EGLN3: variants seen among roughly 807,000 people sequenced by gnomAD.
EGLN3 encodes the protein egl-9 family hypoxia inducible factor 3.
Under a neutral mutation model 26.0 loss-of-function variants are expected in EGLN3, and 15 were observed. The observed-to-expected ratio is 0.58, with a 90% confidence interval of 0.39 to 0.89. EGLN3 has a LOEUF of 0.89. EGLN3 is among the 40% of genes least tolerant of loss of function. The pLI is 0.00. For synonymous variants in EGLN3, 147 were observed against 127.2 expected (o/e 1.16, Z -1.05); for missense variants, 238 against 311.6 (o/e 0.76, Z 1.78).
At chr14:33,938,027 G>A (rs533910190) in intron 1 of EGLN3, among the ~76,000 whole-genome samples, 1 of 152,284 alleles carries the variant, frequency 6.6e-6, no homozygotes, top group South Asian at 2.1e-4. Context: ...GAGCGTGGAA[G>A]CATCCATCTA....
chr14:33,948,902 C>A (rs1344050617), intron 1 of EGLN3: 1 of 152,154 alleles, frequency 6.6e-6, no homozygotes, highest in Non-Finnish European at 1.5e-5. Flanking sequence ...CCTTCCCCTC[C>A]CCGACACACC....
rs576448367 is a variant in EGLN3, at chr14:33,932,502, C to T, written c.358-1287G>A. ...CAGCTTCAACGTGGCTGCCGAGTCA[C>T]TCTCAATAGTAGCATGAAAACACGG... is the stretch of plus-strand genomic sequence containing the variant. On this transcript the variant is annotated intron_variant, in intron 1 of 4. Coordinates refer to ENST00000250457, the MANE Select transcript of EGLN3 (RefSeq NM_022073.4). Among the ~76,000 whole-genome samples the T allele has an allele frequency of 2.0e-5, 3 of 152,210 alleles. No homozygotes were observed. In the South Asian group the frequency reaches 6.2e-4, roughly 32 times the overall value.
At position 33,925,773 on chromosome 14, in the gene EGLN3, G is replaced by A. The variant is rs368936746; in HGVS notation, c.*118C>T. ...CACACAAGACAGGGATGTGAAGGAT[G>A]CAAGAAGTAGCAGGGAGATTGTTGT... On this transcript the variant is annotated 3_prime_UTR_variant, in exon 5 of 5. Transcript: ENST00000250457. 2.1e-5 allele frequency: 25 copies of A among 1,166,312 alleles called. No individual in the cohort carries two copies. In the African/African-American group the frequency reaches 2.6e-4, roughly 12 times the overall value. 72.2% of individuals were successfully genotyped at this position (1,166,312 alleles called of 1,614,324 possible). A position where few individuals can be genotyped will look rare whatever the true frequency, so the allele number is the denominator to read the frequency against.
intron 1 of EGLN3, among the ~76,000 whole-genome samples, chr14:33,936,046 C>T (rs992693147): frequency 6.6e-6 from 1 of 152,068 alleles, no homozygotes. Context: ...GCCTAACCAA[C>T]ATGGTGAAAC....
intron 1 of EGLN3, chr14:33,948,683 A>T (rs2138830302): frequency 6.6e-6 from 1 of 152,362 alleles, no homozygotes; most frequent in Non-Finnish European, 1.5e-5. Context: ...CCATTAAGTC[A>T]AAGCTAAATA....
In EGLN3 at chr14:33,950,642, C is replaced by G. The variant is rs1300807594; in HGVS notation, c.111G>C (p.Glu37Asp). The stretch of plus-strand genomic sequence containing the variant: ...GCTCCAGGACGCAGTCGCCCACCAC[C>G]TCGCCCAGGAAGTTGTCCAGGTAGC... ...GFCYLDNFLGEVVGDCVLERV... is the reference protein window; with the variant it reads ...GFCYLDNFLGDVVGDCVLERV... The change falls in exon 1 of 5, where the codon GAG becomes GAC. Residue 37 changes from glutamate (E) to aspartate (D), a missense_variant. By Grantham distance (45) the Glu-to-Asp change is conservative. Transcript: ENST00000250457. The G allele has an allele frequency of 8.7e-6, 14 of 1,614,026 alleles. No homozygotes were observed. The highest frequency in any genetic ancestry group is 3.3e-4 in the Middle Eastern group (2 of 6,062).
chr14:33,949,986 G>T (rs1230752443), intron 1 of EGLN3: 6 of 390,616 alleles, frequency 1.5e-5, no homozygotes, highest in Non-Finnish European at 2.7e-5. Context: ...CCACAATGAA[G>T]GGCAGTATTA....
intron 1 of EGLN3, among the ~76,000 whole-genome samples, chr14:33,939,190 A>G (rs915469260): frequency 1.3e-5 from 2 of 151,570 alleles, no homozygotes; most frequent in African/African-American, 4.9e-5. Context: ...GTCATGAAAA[A>G]TGCCTTGAAA....
At chr14:33,935,395 G>C (rs1045051285) in intron 1 of EGLN3, among the ~76,000 whole-genome samples, 1 of 152,112 alleles carries the variant, frequency 6.6e-6, no homozygotes, top group Admixed American at 6.6e-5. Flanking sequence ...AGTAACAAAT[G>C]ATTGAAGCCA....
At chr14:33,949,972 C>T (rs2064545537) in intron 1 of EGLN3, 1 of 344,944 alleles carries the variant, frequency 2.9e-6, no homozygotes, top group Non-Finnish European at 5.2e-6. Context: ...GAAATCTCTT[C>T]TGACCACAAT....
At chr14:33,940,908 GC>G (rs916236464) in intron 1 of EGLN3, among the ~76,000 whole-genome samples, 20 of 152,146 alleles carry the variant, frequency 1.3e-4, no homozygotes, top group Non-Finnish European at 2.2e-4. Context: ...GCTGGGCTCT[GC>G]CTCTGAGGAT....
chr14:33,941,531 T>A (rs1385123970), intron 1 of EGLN3, among the ~76,000 whole-genome samples: 1 of 150,806 alleles, frequency 6.6e-6, no homozygotes, highest in Non-Finnish European at 1.5e-5. Context: ...GCCACCCATC[T>A]TCCCCCGTCA....
chr14:33,926,935 T>G, intron 4 of EGLN3, 25 bp downstream of exon 4: 1 of 1,559,336 alleles, frequency 6.4e-7, no homozygotes, highest in Non-Finnish European at 8.8e-7. Flanking sequence ...TGATCAAAAG[T>G]CACAGAAAAT....
In EGLN3 at chr14:33,931,114, G is replaced by C. The variant is rs1326275796; in HGVS notation, c.459C>G (p.Asn153Lys). 1 of 1,614,186 alleles carries C rather than the reference G, an allele frequency of 6.2e-7. No homozygotes were observed. The highest frequency in any genetic ancestry group is 8.5e-7 in the Non-Finnish European group (1 of 1,180,026). Residue 153 changes from asparagine to lysine, a missense_variant, in exon 2 of 5, where the codon AAC becomes AAG. Asn to Lys is a moderately conservative substitution (Grantham distance 94). Transcript: ENST00000250457. ...GRCITCIYYL[N>K]KNWDAKLHGG... is the part of the protein sequence containing the mutation. ...AAAGTACCTTGGCATCCCAATTCTT[G>C]TTCAGATAGTAGATGCAGGTGATGC...
chr14:33,930,022 A>G (rs2064390695), intron 2 of EGLN3, among the ~76,000 whole-genome samples: 1 of 152,130 alleles, frequency 6.6e-6, no homozygotes, highest in Admixed American at 6.6e-5. Context: ...TATGACATAC[A>G]CCACTCTCTT....
chr14:33,936,572 C>T (rs1178627447), intron 1 of EGLN3, among the ~76,000 whole-genome samples: 1 of 152,028 alleles, frequency 6.6e-6, no homozygotes, highest in Non-Finnish European at 1.5e-5. Flanking sequence ...TTCATCAAGG[C>T]ACCCTGCTGA....
chr14:33,946,366 A>G (rs895064523), intron 1 of EGLN3, among the ~76,000 whole-genome samples: 16 of 149,000 alleles, frequency 1.1e-4, no homozygotes, highest in Non-Finnish European at 1.6e-4. Context: ...ACAGGAGCAA[A>G]ACTCTGTCTC....
intron 2 of EGLN3, 69 bp downstream of exon 2, chr14:33,931,027 C>T: frequency 6.3e-7 from 1 of 1,596,582 alleles, no homozygotes; most frequent in East Asian, 2.2e-5. Flanking sequence ...ATAAACTCTC[C>T]TCTAAGTTAT....
intron 1 of EGLN3, among the ~76,000 whole-genome samples, chr14:33,945,537 GGCA>G (rs2064511901): frequency 6.6e-6 from 1 of 152,200 alleles, no homozygotes; most frequent in African/African-American, 2.4e-5. Context: ...GCCATTGTGG[GGCA>G]GCCATCTTGA....
Sources: gnomAD v4.1 joint callset for allele counts (sites outside exome capture counted in the v4.1 genomes callset) on GRCh38, gnomAD v4.1.1 for gene constraint, MANE v1.5 for transcripts, NCBI Gene and HGNC (gene_info 2026-07-23, HGNC 2026-07-21) for gene names.